The following COL26A1 variants were observed in gnomAD, a reference collection of about 807,000 sequenced individuals.
COL26A1 encodes the protein collagen type XXVI alpha 1 chain, also known as collagen alpha-1(XXVI) chain.
A neutral mutation model predicts 59.3 loss-of-function variants in COL26A1; 41 were observed. The observed-to-expected ratio is 0.69, with a 90% CI of 0.54 to 0.90. The LOEUF is 0.90. COL26A1 is among the 40% of genes least tolerant of loss of function. The probability of loss-of-function intolerance (pLI) is 0.00; values close to 1 mark genes in which losing one functional copy is unlikely to be tolerated. For missense variants in COL26A1, 612 were observed against 602.3 expected (o/e 1.02, Z -0.17); for synonymous variants, 266 against 256.0 (o/e 1.04, Z -0.37).
chr7:101,406,865 G>T (rs1379134628), intron 1 of COL26A1, among the ~76,000 whole-genome samples: 1 of 152,096 alleles, frequency 6.6e-6, no homozygotes, highest in East Asian at 1.9e-4. Context: ...CAGGAGGATT[G>T]CTTGAGCCCA....
intron 1 of COL26A1, among the ~76,000 whole-genome samples, chr7:101,389,772 C>T (rs915353351): frequency 1.1e-4 from 16 of 151,952 alleles, no homozygotes; most frequent in African/African-American, 3.4e-4. Context: ...AGGCTGGTCT[C>T]GAACTCCCAA....
intron 3 of COL26A1, among the ~76,000 whole-genome samples, chr7:101,468,558 C>T (rs1034624264): frequency 2.0e-5 from 3 of 152,190 alleles, no homozygotes; most frequent in African/African-American, 7.2e-5. Context: ...TCCGTAACGA[C>T]CCACTGAGCC....
chr7:101,384,242 T>G (rs10267320), intron 1 of COL26A1, among the ~76,000 whole-genome samples: 2 of 147,818 alleles, frequency 1.4e-5, no homozygotes, highest in Non-Finnish European at 3.0e-5. Flanking sequence ...TTTTTTTTTT[T>G]TTTTTTTTTT....
Position 101,545,464 on chromosome 7 carries a change from C to T in COL26A1, c.830C>T (p.Ser277Phe), listed in dbSNP as rs1205330894. 1.2e-6 allele frequency: 2 copies of T among 1,608,726 alleles called. No homozygotes were observed. The highest frequency in any genetic ancestry group is 2.2e-5 in the South Asian group (2 of 90,580). The change falls in exon 7 of 13, where the codon TCC (serine) becomes TTC (phenylalanine). Residue 277 changes from serine to phenylalanine, a missense_variant. By Grantham distance (155) the Ser-to-Phe change is radical. Transcript: ENST00000313669. ...SPNSPQGALY[S>F]LQPPTDKDNG... ...AACAGCCCCCAGGGCGCCCTCTACT[C>T]CCTGCAGCCGCCTACAGACAAAGAC...
rs530758204 is a variant in COL26A1, at chr7:101,556,802, ATAAG to A, written c.1166-566_1166-563del. On this transcript the variant is annotated intron_variant, in intron 12 of 12. Coordinates refer to ENST00000313669, the MANE Select transcript of COL26A1 (RefSeq NM_001278563.3). Reference sequence around the variant, plus strand: ...GGTGAGTGGACAGGTAGGTGGGTGAATAAGTGAGTGAATGGATGGATGGATGGAT... The same window carrying A: ...GGTGAGTGGACAGGTAGGTGGGTGAATGAGTGAATGGATGGATGGATGGAT... Among the ~76,000 whole-genome samples, 28 of 151,782 alleles carry A rather than the reference ATAAG, an allele frequency of 1.8e-4. No homozygotes were observed. The East Asian group carries it at 4.1e-3, about 22-fold the overall frequency.
At chr7:101,382,191 G>C (rs1484748633) in intron 1 of COL26A1, among the ~76,000 whole-genome samples, 1 of 152,098 alleles carries the variant, frequency 6.6e-6, no homozygotes, top group Non-Finnish European at 1.5e-5. Context: ...TGGGACTGCA[G>C]GTGCATGCTA....
At chr7:101,384,560 A>G (rs1791524274) in intron 1 of COL26A1, among the ~76,000 whole-genome samples, 1 of 152,042 alleles carries the variant, frequency 6.6e-6, no homozygotes, top group South Asian at 2.1e-4. Flanking sequence ...GGCTCAAGCA[A>G]TCCTCCAGCC....
Position 101,363,071 on chromosome 7 carries a change from C to T in COL26A1, c.39C>T (p.Cys13=), listed in dbSNP as rs755883861. ...TGCTCCTGCCCTGGGCGTGTTGCTGCCTCTGCGGGTCGGCGCTGGCCACCG... is the reference window on the plus strand; with the variant it reads ...TGCTCCTGCCCTGGGCGTGTTGCTGTCTCTGCGGGTCGGCGCTGGCCACCG... ...LALLLPWACC[C]LCGSALATGF... is the part of the protein sequence containing the mutation. Residue 13 remains cysteine (C), a synonymous_variant, in exon 1 of 13, where the codon TGC becomes TGT. Transcript: ENST00000313669. 3 of 1,581,482 alleles carry T rather than the reference C, an allele frequency of 1.9e-6. No individual in the cohort carries two copies. Among genetic ancestry groups the T allele is most frequent in the Admixed American group, 1.7e-5 (1 of 58,464 alleles).
intron 1 of COL26A1, among the ~76,000 whole-genome samples, chr7:101,374,970 A>G (rs1791277620): frequency 6.6e-6 from 1 of 152,004 alleles, no homozygotes; most frequent in Non-Finnish European, 1.5e-5. Context: ...CTGAGGCAGG[A>G]GAATCGCTTG....
chr7:101,362,528 T>C (rs1398953770), upstream of COL26A1, among the ~76,000 whole-genome samples: 1 of 152,080 alleles, frequency 6.6e-6, no homozygotes, highest in Non-Finnish European at 1.5e-5. Context: ...CCAGCCTCAG[T>C]TTCCACTTCT....
At chr7:101,442,974 C>G (rs546733899) in intron 2 of COL26A1, among the ~76,000 whole-genome samples, 12 of 152,160 alleles carry the variant, frequency 7.9e-5, no homozygotes, top group Middle Eastern at 6.8e-3. Context: ...TTTGTGAGAG[C>G]TTGCAAGTAA....
intron 3 of COL26A1, among the ~76,000 whole-genome samples, chr7:101,465,188 C>A (rs935070137): frequency 6.6e-6 from 1 of 151,924 alleles, no homozygotes. Context: ...CAGGTGCACA[C>A]CACCTGTAGC....
intron 3 of COL26A1, among the ~76,000 whole-genome samples, chr7:101,473,358 G>A (rs555933772): frequency 6.6e-6 from 1 of 152,220 alleles, no homozygotes; most frequent in South Asian, 2.1e-4. Flanking sequence ...TTACAGGCGT[G>A]AGCCACTGCG....
chr7:101,525,748 G>T (rs1037232700), intron 3 of COL26A1, among the ~76,000 whole-genome samples: 1 of 150,126 alleles, frequency 6.7e-6, no homozygotes, highest in South Asian at 2.1e-4. Context: ...CGCCCACCTT[G>T]GCCTCCCAAA....
chr7:101,386,121 G>A (rs1460837421), intron 1 of COL26A1, among the ~76,000 whole-genome samples: 3 of 152,202 alleles, frequency 2.0e-5, no homozygotes, highest in Non-Finnish European at 4.4e-5. Context: ...GAGGATGTCC[G>A]AAGTAGAAGG....
At chr7:101,450,270 T>C (rs1364251658) in intron 3 of COL26A1, among the ~76,000 whole-genome samples, 1 of 152,092 alleles carries the variant, frequency 6.6e-6, no homozygotes, top group African/African-American at 2.4e-5. Flanking sequence ...AGCAATGACA[T>C]GTGTCAGTAT....
chr7:101,516,661 C>G (rs1379018543), intron 3 of COL26A1, among the ~76,000 whole-genome samples: 4 of 152,100 alleles, frequency 2.6e-5, no homozygotes, highest in Non-Finnish European at 4.4e-5. Flanking sequence ...GTTCAGGGGC[C>G]CAGGAGACGG....
chr7:101,377,204 C>T lies in COL26A1; in HGVS notation c.158+14014C>T, dbSNP rs912701895. On this transcript the variant is annotated intron_variant, in intron 1 of 12. Coordinates refer to ENST00000313669, the MANE Select transcript of COL26A1 (RefSeq NM_001278563.3). ...TCCTTTTAAATAGAGATGGGGGTGT[C>T]ACTATGTTGTCCAGGTCAGTCTCAA... Among the ~76,000 whole-genome samples, 4 of 151,946 alleles carry T rather than the reference C, an allele frequency of 2.6e-5. No homozygotes were observed. The South Asian group carries it at 8.3e-4, about 32-fold the overall frequency.
At chr7:101,523,160 C>A (rs1227357522) in intron 3 of COL26A1, among the ~76,000 whole-genome samples, 1 of 151,902 alleles carries the variant, frequency 6.6e-6, no homozygotes, top group Non-Finnish European at 1.5e-5. Context: ...ACCTCCGCCT[C>A]CCGGGTTCAA....
Sources: allele counts gnomAD v4.1 joint callset (sites outside exome capture counted in the v4.1 genomes callset), GRCh38; gene constraint gnomAD v4.1.1; transcripts MANE v1.5; gene names NCBI Gene and HGNC (gene_info 2026-07-23, HGNC 2026-07-21).